Variants in CNTNAP2 observed in about 807,000 individuals in gnomAD.
CNTNAP2 encodes the protein contactin associated protein 2.
A neutral mutation model predicts 155.2 loss-of-function variants in CNTNAP2; 98 were observed. That is an observed-to-expected ratio of 0.63 (90% CI 0.54 to 0.75). The LOEUF is 0.75. Ranked by LOEUF, CNTNAP2 falls within the 30% of genes least tolerant of loss-of-function variation. The pLI, the probability that CNTNAP2 is intolerant of heterozygous loss-of-function variation, is 0.00. For synonymous variants in CNTNAP2, 651 were observed against 631.2 expected, an observed-to-expected ratio of 1.03 and a Z score of -0.47; for missense variants, 1,727 against 1,688.1, an observed-to-expected ratio of 1.02 and a Z score of -0.40.
chr7:147,622,730 G>A (rs891156669), intron 12 of CNTNAP2, among the ~76,000 whole-genome samples: 1 of 151,778 alleles, frequency 6.6e-6, no homozygotes, highest in African/African-American at 2.4e-5. Flanking sequence ...AACTAGAAAA[G>A]CAAGAGCAAA....
chr7:147,811,719 C>G (rs887465618), intron 13 of CNTNAP2, among the ~76,000 whole-genome samples: 1 of 152,086 alleles, frequency 6.6e-6, no homozygotes. Context: ...TCAATGATCC[C>G]CATACATTTT....
intron 15 of CNTNAP2, among the ~76,000 whole-genome samples, chr7:148,031,559 A>G (rs912734922): frequency 6.6e-6 from 1 of 152,238 alleles, no homozygotes; most frequent in Admixed American, 6.5e-5. Context: ...AGTGCTACTT[A>G]ATAGAAAGTA....
At chr7:147,389,137 C>A (rs752349308) in intron 9 of CNTNAP2, among the ~76,000 whole-genome samples, 3 of 152,082 alleles carry the variant, frequency 2.0e-5, no homozygotes, top group Non-Finnish European at 4.4e-5. Context: ...GGGTTTTTGA[C>A]TAAGTTATTC....
intron 1 of CNTNAP2, among the ~76,000 whole-genome samples, chr7:146,424,296 G>A (rs913765453): frequency 9.2e-5 from 14 of 152,198 alleles, no homozygotes; most frequent in Non-Finnish European, 1.5e-4. Context: ...CCAAACTAAC[G>A]GCTATGATTG....
chr7:147,286,668 T>G (rs1321181785), intron 8 of CNTNAP2, among the ~76,000 whole-genome samples: 1 of 152,120 alleles, frequency 6.6e-6, no homozygotes, highest in Admixed American at 6.6e-5. Context: ...TATATATGAA[T>G]GAGTTTTTCT....
At chr7:147,492,962 T>C (rs1316649045) in intron 11 of CNTNAP2, among the ~76,000 whole-genome samples, 1 of 150,496 alleles carries the variant, frequency 6.6e-6, no homozygotes, top group African/African-American at 2.4e-5. Context: ...TATTGTTTAT[T>C]AAAGTACTTT....
At chr7:147,306,100 A>G (rs1192458141) in intron 9 of CNTNAP2, among the ~76,000 whole-genome samples, 1 of 152,186 alleles carries the variant, frequency 6.6e-6, no homozygotes. Context: ...ATTTCCCAAT[A>G]AGGCCACATT....
intron 21 of CNTNAP2, among the ~76,000 whole-genome samples, chr7:148,294,362 A>G (rs1797244056): frequency 1.3e-5 from 2 of 152,246 alleles, no homozygotes; most frequent in African/African-American, 4.8e-5. Context: ...ACCTCGAAAT[A>G]ATAACTAAGC....
chr7:147,094,471 G>C (rs1486838193), intron 4 of CNTNAP2, among the ~76,000 whole-genome samples: 1 of 146,950 alleles, frequency 6.8e-6, no homozygotes, highest in Non-Finnish European at 1.5e-5. Context: ...CCGCGATCTC[G>C]GCTCACTGCA....
chr7:147,440,939 T>C (rs1186835336), intron 10 of CNTNAP2, among the ~76,000 whole-genome samples: 1 of 152,148 alleles, frequency 6.6e-6, no homozygotes, highest in African/African-American at 2.4e-5. Flanking sequence ...AGCCTTGAAG[T>C]AGTCTTCTTT....
At chr7:147,916,789 C>T (rs1465685278) in intron 14 of CNTNAP2, among the ~76,000 whole-genome samples, 1 of 151,892 alleles carries the variant, frequency 6.6e-6, no homozygotes, top group Non-Finnish European at 1.5e-5. Flanking sequence ...AATTGTAAAA[C>T]ACGTTATAAT....
intron 20 of CNTNAP2, among the ~76,000 whole-genome samples, chr7:148,234,676 A>C (rs974786324): frequency 2.0e-5 from 3 of 152,246 alleles, no homozygotes; most frequent in African/African-American, 7.2e-5. Context: ...GAGGTAGAGC[A>C]GGATGATGGA....
intron 17 of CNTNAP2, among the ~76,000 whole-genome samples, chr7:148,159,532 T>G (rs1484373000): frequency 6.6e-6 from 1 of 152,200 alleles, no homozygotes; most frequent in Non-Finnish European, 1.5e-5. Context: ...TTACCACGCA[T>G]CATTTATTCT....
chr7:146,502,130 A>G (rs1431156219), intron 1 of CNTNAP2, among the ~76,000 whole-genome samples: 2 of 150,580 alleles, frequency 1.3e-5, no homozygotes, highest in South Asian at 4.2e-4. Context: ...TATTTTATTT[A>G]CCATAATGTC....
intron 23 of CNTNAP2, 83 bp from the exon 24 acceptor site, chr7:148,415,334 A>G: frequency 7.2e-7 from 1 of 1,393,318 alleles, no homozygotes; most frequent in Non-Finnish European, 1.0e-6. Context: ...GCTGTGTCTG[A>G]CGGAGCTGTA....
At chr7:146,645,246 GA>G (rs899031834) in intron 1 of CNTNAP2, among the ~76,000 whole-genome samples, 3 of 152,080 alleles carry the variant, frequency 2.0e-5, no homozygotes, top group African/African-American at 7.2e-5. Context: ...TGTATCACAA[GA>G]AAAAAATCAT....
intron 1 of CNTNAP2, among the ~76,000 whole-genome samples, chr7:146,187,941 T>G (rs879166848): frequency 3.9e-5 from 6 of 152,300 alleles, no homozygotes; most frequent in Admixed American, 3.9e-4. Context: ...TCTTGTGCAT[T>G]TATTATTAAT....
intron 15 of CNTNAP2, among the ~76,000 whole-genome samples, chr7:148,038,194 G>C (rs550681456): frequency 6.6e-6 from 1 of 152,098 alleles, no homozygotes; most frequent in African/African-American, 2.4e-5. Context: ...ATAGAGCATG[G>C]TCTTCAAGGC....
At chr7:148,037,264 C>T (rs1033426521) in intron 15 of CNTNAP2, among the ~76,000 whole-genome samples, 7 of 152,104 alleles carry the variant, frequency 4.6e-5, no homozygotes, top group African/African-American at 1.2e-4. Context: ...CAAACTATGT[C>T]GAAATCCTTC....
Sources: gnomAD v4.1 joint callset for allele counts (sites outside exome capture counted in the v4.1 genomes callset) on GRCh38, gnomAD v4.1.1 for gene constraint, MANE v1.5 for transcripts, NCBI Gene and HGNC (gene_info 2026-07-23, HGNC 2026-07-21) for gene names.